The following C19orf18 variants were observed in gnomAD, a reference collection of about 807,000 sequenced individuals.
C19orf18 encodes the protein chromosome 19 open reading frame 18, also known as uncharacterized protein C19orf18.
Under a neutral mutation model 23.3 loss-of-function variants are expected in C19orf18, and 21 were observed. The ratio of observed to expected loss-of-function variants is 0.90; its 90% CI spans 0.64 to 1.30. C19orf18 has a LOEUF of 1.30. Among genes scored for constraint, C19orf18 ranks in the 50% most tolerant of loss-of-function variants. The pLI is 0.00. For synonymous variants in C19orf18, 96 were observed against 95.2 expected (o/e 1.01, Z -0.05); for missense variants, 249 against 259.6 (o/e 0.96, Z 0.28).
At chr19:57,963,267 G>A (rs1478229009) in intron 4 of C19orf18, among the ~76,000 whole-genome samples, 1 of 151,870 alleles carries the variant, frequency 6.6e-6, no homozygotes, top group East Asian at 2.0e-4. Context: ...AACCTCAGGT[G>A]ACCCGCCCAC....
rs192931057 is a variant in C19orf18, at chr19:57,961,712, A to G, written c.372-161T>C. 4.6e-5 allele frequency among the ~76,000 whole-genome samples: 7 copies of G among 152,316 alleles called. No individual in the cohort carries two copies. The East Asian group carries it at 9.6e-4, about 21-fold the overall frequency. ...TCATGGTCAGCTCTCAACTGTCTAC[A>G]TGGTCAGGCCATTTCCTGGAGTAAG... On this transcript the variant is annotated intron_variant, in intron 4 of 5. Coordinates refer to ENST00000314391, the MANE Select transcript of C19orf18 (RefSeq NM_152474.5).
intron 5 of C19orf18, among the ~76,000 whole-genome samples, chr19:57,959,041 T>G (rs2072847568): frequency 6.6e-6 from 1 of 152,258 alleles, no homozygotes; most frequent in South Asian, 2.1e-4. Flanking sequence ...TGAGCATCAG[T>G]GATCTCTCCT....
chr19:57,974,036 G>T (rs1053034114), intron 2 of C19orf18, 63 bp downstream of exon 2: 1 of 1,481,908 alleles, frequency 6.7e-7, no homozygotes, highest in Non-Finnish European at 9.4e-7. Context: ...ACATTCACAT[G>T]GCAGATAAGA....
At chr19:57,959,547 C>A (rs895816830) in intron 5 of C19orf18, among the ~76,000 whole-genome samples, 1 of 152,028 alleles carries the variant, frequency 6.6e-6, no homozygotes, top group Non-Finnish European at 1.5e-5. Context: ...ATCACTTGAA[C>A]CCAGGAGGCG....
At position 57,963,987 on chromosome 19, in the gene C19orf18, T is replaced by C. The variant is rs534471490; in HGVS notation, c.372-2436A>G. On this transcript the variant is annotated intron_variant, in intron 4 of 5. Coordinates refer to ENST00000314391, the MANE Select transcript of C19orf18 (RefSeq NM_152474.5). ...GTTTAAATAAAAGCAAACTTACCAA[T>C]AGTATTTTCAAAATCTACTTCTGGA... Among the ~76,000 whole-genome samples the C allele has an allele frequency of 4.6e-5, 7 of 152,298 alleles. No individual in the cohort carries two copies. The South Asian group carries it at 1.0e-3, about 23-fold the overall frequency.
chr19:57,970,817 C>G (rs1229565109), intron 3 of C19orf18, among the ~76,000 whole-genome samples: 1 of 152,188 alleles, frequency 6.6e-6, no homozygotes, highest in Non-Finnish European at 1.5e-5. Context: ...ACCTCAGCCC[C>G]CCAAAGTGTT....
intron 5 of C19orf18, among the ~76,000 whole-genome samples, chr19:57,960,721 CTG>C (rs1344746665): frequency 6.6e-6 from 1 of 152,170 alleles, no homozygotes; most frequent in Non-Finnish European, 1.5e-5. Context: ...TTCCTGAACT[CTG>C]TTAGATCCGT....
chr19:57,967,142 G>A lies in C19orf18; in HGVS notation c.269-510C>T, dbSNP rs544199348. Among the ~76,000 whole-genome samples the A allele has an allele frequency of 9.1e-4, 138 of 152,132 alleles. 1 individual carries two copies. Among genetic ancestry groups the A allele is most frequent in the Non-Finnish European group, 1.4e-3 (96 of 67,980 alleles). Reference sequence around the variant, plus strand: ...CCATTGGGGATTGGGCATCCAAGAGGTCACTAGAGACCTGGGCAGAGGCCA... The same window carrying A: ...CCATTGGGGATTGGGCATCCAAGAGATCACTAGAGACCTGGGCAGAGGCCA... On this transcript the variant is annotated intron_variant, in intron 3 of 5. Coordinates refer to ENST00000314391, the MANE Select transcript of C19orf18 (RefSeq NM_152474.5).
At chr19:57,967,483 T>C (rs1227617490) in intron 3 of C19orf18, among the ~76,000 whole-genome samples, 1 of 152,134 alleles carries the variant, frequency 6.6e-6, no homozygotes, top group African/African-American at 2.4e-5. Context: ...CCAGGTGTGG[T>C]GGCCCACTCT....
intron 2 of C19orf18, among the ~76,000 whole-genome samples, 198 bp from the exon 3 acceptor site, chr19:57,972,702 G>A (rs2072953305): frequency 6.6e-6 from 1 of 152,178 alleles, no homozygotes; most frequent in Admixed American, 6.5e-5. Flanking sequence ...AGCCTGGTGA[G>A]CCTGCTGTTC....
At position 57,963,025 on chromosome 19, in the gene C19orf18, A is replaced by ATT. The variant is rs1240503714; in HGVS notation, c.372-1476_372-1475dup. Among the ~76,000 whole-genome samples the ATT allele has an allele frequency of 1.2e-3, 156 of 131,234 alleles. 1 individual carries two copies. Among genetic ancestry groups the ATT allele is most frequent in the African/African-American group, 3.5e-3 (118 of 34,142 alleles). 86.1% of individuals were successfully genotyped at this position (131,234 alleles called of 152,430 possible). On this transcript the variant is annotated intron_variant, in intron 4 of 5. Coordinates refer to ENST00000314391, the MANE Select transcript of C19orf18 (RefSeq NM_152474.5). Reference sequence around the variant, plus strand: ...AAATGAAGATGAGTATTTTAACTCAATTTTTTTTTTTTTTTTTGCAGATGG... The same window carrying ATT: ...AAATGAAGATGAGTATTTTAACTCAATTTTTTTTTTTTTTTTTTTGCAGATGG...
intron 5 of C19orf18, 135 bp downstream of exon 5, chr19:57,961,256 A>G: frequency 1.1e-6 from 1 of 947,600 alleles, no homozygotes; most frequent in Non-Finnish European, 1.5e-6. Context: ...GAAAGAAAGA[A>G]AGGAAGGAAG....
intron 4 of C19orf18, 62 bp from the exon 5 acceptor site, chr19:57,961,613 AC>A: frequency 1.3e-6 from 2 of 1,571,394 alleles, no homozygotes; most frequent in South Asian, 2.3e-5. Flanking sequence ...TCATTTCTCA[AC>A]CATGCCACTT....
chr19:57,966,928 ACCTG>A (rs2072912991), intron 3 of C19orf18, among the ~76,000 whole-genome samples: 2 of 151,802 alleles, frequency 1.3e-5, no homozygotes, highest in African/African-American at 4.8e-5. Flanking sequence ...GCGCCACCAC[ACCTG>A]CCTAATTTTT....
intron 4 of C19orf18, among the ~76,000 whole-genome samples, chr19:57,965,438 A>G (rs1190301747): frequency 1.3e-5 from 2 of 152,106 alleles, no homozygotes; most frequent in Non-Finnish European, 2.9e-5. Context: ...CCCGGCCTCA[A>G]GTTTATTTTA....
chr19:57,974,135 A>G lies in C19orf18; in HGVS notation c.190T>C (p.Leu64=). The change falls in exon 2 of 6, where the codon TTG becomes CTG. Residue 64 remains leucine, a synonymous_variant. Transcript: ENST00000314391. ...EPKVFFHKTQ[L]PGIQGAASRS... ...GAGGCAGCCCCTTGAATCCCAGGCA[A>G]CTGGGTTTTATGAAAGAACACTTTG... 6 of 1,613,946 alleles carry G rather than the reference A, an allele frequency of 3.7e-6. No individual in the cohort carries two copies. Among genetic ancestry groups the G allele is most frequent in the Non-Finnish European group, 5.1e-6 (6 of 1,179,968 alleles).
At position 57,966,640 on chromosome 19, in the gene C19orf18, G is replaced by T; in HGVS notation, c.269-8C>A. On this transcript the variant is annotated splice_region_variant and splice_polypyrimidine_tract_variant and intron_variant, in intron 3 of 5. Transcript: ENST00000314391. ...GTCTATGCCGAATTATTGCTAAAAA[G>T]AAAGAAAAGAAAAGAAGTGCTCAAA... 1 of 1,576,134 alleles carries T rather than the reference G, an allele frequency of 6.3e-7. No individual in the cohort carries two copies. Among genetic ancestry groups the T allele is most frequent in the South Asian group, 1.1e-5 (1 of 89,848 alleles).
intron 2 of C19orf18, 131 bp from the exon 3 acceptor site, chr19:57,972,635 G>A: frequency 5.0e-6 from 5 of 992,006 alleles, no homozygotes; most frequent in Non-Finnish European, 7.6e-6. Flanking sequence ...TCTAAGATGG[G>A]ATGTGTTAAT....
chr19:57,963,278 C>T lies in C19orf18; in HGVS notation c.372-1727G>A, dbSNP rs369239853. ...TCCCAACCTCAGGTGACCCGCCCAC[C>T]TCGGCCTCCCAAAGTGCTGGGATTA... is the stretch of plus-strand genomic sequence containing the variant. On this transcript the variant is annotated intron_variant, in intron 4 of 5. Coordinates refer to ENST00000314391, the MANE Select transcript of C19orf18 (RefSeq NM_152474.5). Among the ~76,000 whole-genome samples, 10 of 152,116 alleles carry T rather than the reference C, an allele frequency of 6.6e-5. No individual in the cohort carries two copies. In the East Asian group the frequency reaches 2.0e-3, roughly 30 times the overall value.
Sources: allele counts gnomAD v4.1 joint callset (sites outside exome capture counted in the v4.1 genomes callset), GRCh38; gene constraint gnomAD v4.1.1; transcripts MANE v1.5; gene names NCBI Gene and HGNC (gene_info 2026-07-23, HGNC 2026-07-21).